Variants in MRPL37 observed in about 807,000 individuals in gnomAD.
MRPL37 encodes mitochondrial ribosomal protein L37, also known as large ribosomal subunit protein mL37.
Under a neutral mutation model 44.1 loss-of-function variants are expected in MRPL37, and 34 were observed. That is an observed-to-expected ratio of 0.77 (90% CI 0.59 to 1.03). MRPL37 has a LOEUF of 1.03. Among genes scored for constraint, MRPL37 ranks in the 50% least tolerant of loss-of-function variants. The pLI is 0.00. For synonymous variants in MRPL37, 212 were observed against 219.5 expected (o/e 0.97, Z 0.30); for missense variants, 532 against 543.7 (o/e 0.98, Z 0.21).
At chr1:54,215,495 C>T (rs1422007856) in intron 5 of MRPL37, among the ~76,000 whole-genome samples, 1 of 152,176 alleles carries the variant, frequency 6.6e-6, no homozygotes, top group Non-Finnish European at 1.5e-5. Flanking sequence ...GCTGGCATGG[C>T]TGGAGTGGAT....
At chr1:54,222,211 A>G (rs567818031), downstream of MRPL37, among the ~76,000 whole-genome samples, 2 of 152,180 alleles carry the variant, frequency 1.3e-5, no homozygotes, top group Non-Finnish European at 2.9e-5. Flanking sequence ...TCCCAGCCTG[A>G]TGGGGGAAGC....
chr1:54,222,226 A>C (rs1425370409), downstream of MRPL37, among the ~76,000 whole-genome samples: 1 of 152,074 alleles, frequency 6.6e-6, no homozygotes, highest in African/African-American at 2.4e-5. Context: ...GGAAGCATAC[A>C]CTGAACCAGG....
At chr1:54,218,618 C>T (rs879768190), downstream of MRPL37, among the ~76,000 whole-genome samples, 20 of 152,124 alleles carry the variant, frequency 1.3e-4, no homozygotes, top group Admixed American at 7.2e-4. Context: ...ATGGCAGATA[C>T]GCTGATGGTC....
downstream of MRPL37, among the ~76,000 whole-genome samples, chr1:54,222,744 T>C (rs1644244591): frequency 6.6e-6 from 1 of 152,132 alleles, no homozygotes; most frequent in Non-Finnish European, 1.5e-5. Context: ...ACAACTCCCA[T>C]GGTATGTCTG....
rs374848819 is a variant in MRPL37 at position 54,200,203 on chromosome 1, T to G, written c.-41T>G. Reference sequence around the variant, plus strand: ...CCAGCAGGCCCTGCGCGCGGCAACATGGCGGGGTCCAGGTGGAGGTCTTGA... The same window carrying G: ...CCAGCAGGCCCTGCGCGCGGCAACAGGGCGGGGTCCAGGTGGAGGTCTTGA... On this transcript the variant is annotated 5_prime_UTR_variant, in exon 1 of 7. The change abolishes an upstream ATG in the 5' untranslated region. Transcript: ENST00000360840. 2.0e-6 allele frequency: 3 copies of G among 1,504,886 alleles called. No individual in the cohort carries two copies. The highest frequency in any genetic ancestry group is 2.8e-5 in the African/African-American group (2 of 71,642). The allele number at this position is 1,504,886 out of a possible 1,614,324, so 93.2% of individuals were successfully genotyped here.
chr1:54,209,867 G>T (rs889624983), intron 3 of MRPL37, 79 bp from the exon 4 acceptor site: 2 of 1,464,944 alleles, frequency 1.4e-6, no homozygotes, highest in Non-Finnish European at 1.9e-6. Context: ...AAAGTGCTGG[G>T]ATTATAGGCA....
rs995501000 is a variant in MRPL37 at position 54,200,226 on chromosome 1, T to C, written c.-18T>C. On this transcript the variant is annotated 5_prime_UTR_variant, in exon 1 of 7. The change abolishes the stop of an existing upstream ORF in the 5' untranslated region. Coordinates refer to ENST00000360840, the MANE Select transcript of MRPL37 (RefSeq NM_016491.4). ...CATGGCGGGGTCCAGGTGGAGGTCT[T>C]GAGGCTATCAGATCGGTATGGCATT... The C allele has an allele frequency of 4.5e-6, 7 of 1,542,652 alleles. No homozygotes were observed. The highest frequency in any genetic ancestry group is 6.1e-6 in the Non-Finnish European group (7 of 1,151,006).
In MRPL37 at chr1:54,212,498, C is replaced by T; in HGVS notation, c.833-3C>T. On this transcript the variant is annotated splice_region_variant and splice_polypyrimidine_tract_variant and intron_variant, in intron 4 of 6. Transcript: ENST00000360840. ...CCCCTCCACATAATTGTGTCTCTTG[C>T]AGGATTCCAGGAAGGCTATCCTTAC... 6.2e-7 allele frequency: 1 copy of T among 1,613,572 alleles called. No homozygotes were observed. The highest frequency in any genetic ancestry group is 1.7e-5 in the Admixed American group (1 of 59,958).
At chr1:54,206,302 C>T (rs1200298432) in intron 3 of MRPL37, among the ~76,000 whole-genome samples, 1 of 151,438 alleles carries the variant, frequency 6.6e-6, no homozygotes, top group East Asian at 2.0e-4. Context: ...TTAGTAGAGA[C>T]AAGGTTTCAC....
intron 5 of MRPL37, among the ~76,000 whole-genome samples, chr1:54,214,510 A>G (rs1214407634): frequency 3.3e-5 from 5 of 152,236 alleles, no homozygotes; most frequent in Admixed American, 1.3e-4. Context: ...TGAGTGGGGA[A>G]GCAAAGCTTG....
rs1644172343 is a variant in MRPL37 at position 54,212,555 on chromosome 1, A to G, written c.887A>G (p.Lys296Arg). Reference protein sequence around the residue: ...PYPHTLYLLDKANLRPHRLQP... With the variant: ...PYPHTLYLLDRANLRPHRLQP... ...CCCCATACCCTGTACTTACTGGACA[A>G]AGCCAATTTACGACCACACCGCCTT... Residue 296 changes from lysine to arginine, a missense_variant, in exon 5 of 7, where the codon AAA becomes AGA. Coordinates refer to ENST00000360840, the MANE Select transcript of MRPL37 (RefSeq NM_016491.4). 1.2e-6 allele frequency: 2 copies of G among 1,614,078 alleles called. No individual in the cohort carries two copies. The highest frequency in any genetic ancestry group is 2.7e-5 in the African/African-American group (2 of 74,922).
Position 54,205,353 on chromosome 1 carries a change from T to C in MRPL37, c.589T>C (p.Ser197Pro). ...TAAATCTCAGATTCTCAAGCATCCT[T>C]CTCTGGCCAGGAGGATCTGTGTCCA... ...LCKSQILKHP[S>P]LARRICVQNS... Residue 197 changes from serine to proline, a missense_variant, in exon 3 of 7, where the codon TCT becomes CCT. Physicochemically the swap from Ser to Pro is moderately conservative, Grantham distance 74. Coordinates refer to ENST00000360840, the MANE Select transcript of MRPL37 (RefSeq NM_016491.4). 3 of 1,614,160 alleles carry C rather than the reference T, an allele frequency of 1.9e-6. No individual in the cohort carries two copies. Among genetic ancestry groups the C allele is most frequent in the Non-Finnish European group, 2.5e-6 (3 of 1,180,016 alleles).
chr1:54,216,010 G>T lies in MRPL37; in HGVS notation c.991-131G>T, dbSNP rs529967061. ...CTGAACTCCTCATTCTATTTTAATTGTCCCAAAGAGAAGCCATTCAGTGGA... is the reference window on the plus strand; with the variant it reads ...CTGAACTCCTCATTCTATTTTAATTTTCCCAAAGAGAAGCCATTCAGTGGA... On this transcript the variant is annotated intron_variant, in intron 5 of 6. Transcript: ENST00000360840. 1.7e-4 allele frequency: 161 copies of T among 936,954 alleles called. 2 individuals carry two copies. In the Admixed American group the frequency reaches 3.2e-3, roughly 19 times the overall value. The allele number at this position is 936,954 out of a possible 1,614,324, so 58.0% of individuals were successfully genotyped here.
downstream of MRPL37, chr1:54,225,444 A>G: frequency 8.2e-7 from 1 of 1,225,682 alleles, no homozygotes; most frequent in African/African-American, 1.6e-5. Context: ...CGGAAAAAAG[A>G]TGTCCCTTTA....
chr1:54,206,432 CAG>C (rs1160709880), intron 3 of MRPL37, among the ~76,000 whole-genome samples: 3 of 151,602 alleles, frequency 2.0e-5, no homozygotes, highest in African/African-American at 4.9e-5. Context: ...TTTTTTGAGA[CAG>C]AGTCTTGCTG....
chr1:54,216,297 T>C lies in MRPL37; in HGVS notation c.1147T>C (p.Tyr383His). The change falls in exon 6 of 7, where the codon TAT (tyrosine) becomes CAT (histidine). Residue 383 changes from tyrosine (Y) to histidine (H), a missense_variant. Transcript: ENST00000360840. The part of the protein sequence containing the change: ...LAWVDSDQLL[Y>H]QHFWCLPVIK... ...CTGGGTGGACTCAGACCAGCTCCTC[T>C]ATCAGCATTTTTGGTGTCTCCCAGT... The C allele has an allele frequency of 6.2e-7, 1 of 1,614,164 alleles. No homozygotes were observed. Among genetic ancestry groups the C allele is most frequent in the African/African-American group, 1.3e-5 (1 of 75,048 alleles).
rs571947014 is a variant in MRPL37, at chr1:54,206,641, C to T, written c.646+1231C>T. Among the ~76,000 whole-genome samples the T allele has an allele frequency of 4.6e-5, 7 of 152,226 alleles. No homozygotes were observed. In the East Asian group the frequency reaches 1.4e-3, roughly 29 times the overall value. On this transcript the variant is annotated intron_variant, in intron 3 of 6. Transcript: ENST00000360840. ...GCCAGGCTGGTCTCGAACTCCTGGC[C>T]TCAAGTGATCTGCCCATCTTGACCT...
At chr1:54,211,625 C>T (rs369730327) in intron 4 of MRPL37, among the ~76,000 whole-genome samples, 24 of 152,058 alleles carry the variant, frequency 1.6e-4, no homozygotes, top group South Asian at 4.1e-4. Context: ...CCTGAGTAGC[C>T]GGGACCACAG....
At chr1:54,218,025 A>T in intron 6 of MRPL37, 147 bp from the exon 7 acceptor site, 1 of 785,538 alleles carries the variant, frequency 1.3e-6, no homozygotes, top group African/African-American at 1.7e-5. Context: ...ACAGCCCCTC[A>T]ATGCCCCTTC....
Sources: gnomAD v4.1 joint callset for allele counts (sites outside exome capture counted in the v4.1 genomes callset) on GRCh38, gnomAD v4.1.1 for gene constraint, MANE v1.5 for transcripts, NCBI Gene and HGNC (gene_info 2026-07-23, HGNC 2026-07-21) for gene names.